The following PLPPR4 variants were observed in gnomAD, a reference collection of about 807,000 sequenced individuals.
PLPPR4 encodes the protein phospholipid phosphatase-related protein type 4.
Under a neutral mutation model 56.6 loss-of-function variants are expected in PLPPR4, and 24 were observed. The observed-to-expected ratio is 0.42, with a 90% CI of 0.31 to 0.60. The LOEUF is 0.60. PLPPR4 is among the 20% of genes least tolerant of loss of function. The pLI is 0.13. For missense variants in PLPPR4, 654 were observed against 885.8 expected, an observed-to-expected ratio of 0.74 and a Z score of 3.32; for synonymous variants, 326 against 328.1, an observed-to-expected ratio of 0.99 and a Z score of 0.07.
chr1:99,268,571 G>T (rs935835248), intron 1 of PLPPR4, among the ~76,000 whole-genome samples: 5 of 152,128 alleles, frequency 3.3e-5, no homozygotes, highest in Admixed American at 2.6e-4. Flanking sequence ...TTACATTTTT[G>T]GTTTATGCTG....
chr1:99,297,604 A>G (rs111285533), intron 3 of PLPPR4, among the ~76,000 whole-genome samples: 5 of 152,258 alleles, frequency 3.3e-5, no homozygotes, highest in African/African-American at 1.2e-4. Flanking sequence ...TACCTGTAAC[A>G]TGTAAGCTCA....
intron 1 of PLPPR4, among the ~76,000 whole-genome samples, chr1:99,273,718 A>T (rs1207948746): frequency 6.6e-6 from 1 of 152,124 alleles, no homozygotes; most frequent in African/African-American, 2.4e-5. Context: ...TAGAAACAAA[A>T]TGGAATCATC....
chr1:99,291,739 C>T (rs1055374032), intron 2 of PLPPR4, among the ~76,000 whole-genome samples: 2 of 152,032 alleles, frequency 1.3e-5, no homozygotes, highest in African/African-American at 4.8e-5. Context: ...CACATAGGCA[C>T]ATAGAGGGGA....
At chr1:99,269,338 AG>A (rs1658992745) in intron 1 of PLPPR4, among the ~76,000 whole-genome samples, 1 of 152,222 alleles carries the variant, frequency 6.6e-6, no homozygotes, top group Non-Finnish European at 1.5e-5. Flanking sequence ...ATGGGCATTT[AG>A]GTTGGTTCCA....
chr1:99,286,941 G>A (rs1362056995), intron 1 of PLPPR4, among the ~76,000 whole-genome samples: 2 of 152,222 alleles, frequency 1.3e-5, no homozygotes, highest in African/African-American at 4.8e-5. Flanking sequence ...AAAATAAAAG[G>A]GATACATGTG....
At position 99,305,878 on chromosome 1, in the gene PLPPR4, C is replaced by T. The variant is rs995910878; in HGVS notation, c.1016C>T (p.Thr339Ile). ...AACCACAGAGATGCTAGCTCTCTGA[C>T]AAATCTCAAAAGAGCAAATGCTGAT... ...NRNHRDASSL[T>I]NLKRANADVE... Residue 339 changes from threonine (T) to isoleucine (I), a missense_variant, in exon 7 of 7, where the codon ACA (threonine) becomes ATA (isoleucine). Thr to Ile is a moderately conservative substitution (Grantham distance 89). Transcript: ENST00000370185. 1.9e-6 allele frequency: 3 copies of T among 1,613,938 alleles called. No individual in the cohort carries two copies. The highest frequency in any genetic ancestry group is 1.3e-5 in the African/African-American group (1 of 74,878).
At chr1:99,295,957 A>G (rs1360346746) in intron 2 of PLPPR4, among the ~76,000 whole-genome samples, 1 of 152,194 alleles carries the variant, frequency 6.6e-6, no homozygotes, top group Non-Finnish European at 1.5e-5. Context: ...AGGGTACAGT[A>G]AGAGGTTTCA....
intron 1 of PLPPR4, among the ~76,000 whole-genome samples, chr1:99,266,038 G>A (rs1294464167): frequency 1.3e-5 from 2 of 152,136 alleles, no homozygotes; most frequent in Admixed American, 6.6e-5. Flanking sequence ...TTTCACAAGA[G>A]ATTTTTGGGA....
intron 2 of PLPPR4, among the ~76,000 whole-genome samples, chr1:99,290,854 A>G (rs1055058283): frequency 1.3e-5 from 2 of 152,298 alleles, no homozygotes; most frequent in Admixed American, 6.5e-5. Context: ...AAGAAAACTT[A>G]GGCAGTACCA....
chr1:99,304,701 G>T lies in PLPPR4; in HGVS notation c.823-984G>T, dbSNP rs534386369. Among the ~76,000 whole-genome samples the T allele has an allele frequency of 2.4e-4, 36 of 152,224 alleles. No individual in the cohort carries two copies. In the South Asian group the frequency reaches 7.3e-3, roughly 31 times the overall value. On this transcript the variant is annotated intron_variant, in intron 6 of 6. Coordinates refer to ENST00000370185, the MANE Select transcript of PLPPR4 (RefSeq NM_014839.5). ...ATTTTCAGTTCTAAGCCAATGCTTT[G>T]TTCATTGTTAAGCATTCTATAAAAT...
At chr1:99,293,659 GC>G (rs1485229577) in intron 2 of PLPPR4, among the ~76,000 whole-genome samples, 1 of 152,152 alleles carries the variant, frequency 6.6e-6, no homozygotes, top group Non-Finnish European at 1.5e-5. Context: ...AATAGCCTTA[GC>G]TTTAGGAGGC....
chr1:99,263,781 C>T (rs1420019130), upstream of PLPPR4, among the ~76,000 whole-genome samples: 1 of 152,164 alleles, frequency 6.6e-6, no homozygotes, highest in African/African-American at 2.4e-5. Context: ...GAGATTAGAA[C>T]ATACAGTAGC....
intron 5 of PLPPR4, 26 bp downstream of exon 5, chr1:99,300,992 A>G: frequency 1.3e-6 from 2 of 1,598,800 alleles, no homozygotes. Flanking sequence ...TTTTTTGTTA[A>G]GTTGTGTTCT....
In PLPPR4 at chr1:99,309,151, A is replaced by G. The variant is rs58412609; in HGVS notation, c.*2141A>G. 9.9e-3 allele frequency: 1,513 copies of G among 152,732 alleles called. 86 individuals are homozygous for G. The East Asian group carries it at 0.15, about 15-fold the overall frequency. The allele number at this position is 152,732 out of a possible 1,614,324, so 9.5% of individuals were successfully genotyped here. A position where few individuals can be genotyped will look rare whatever the true frequency, so the allele number is the denominator to read the frequency against. ...CATTGTTAAGGACATATAATGATAG[A>G]CACTAGAACTCAGACCTCTGCATGT... On this transcript the variant is annotated 3_prime_UTR_variant, in exon 7 of 7. Transcript: ENST00000370185.
upstream of PLPPR4, chr1:99,264,263 A>G (rs1317644601): frequency 3.4e-6 from 2 of 580,040 alleles, no homozygotes; most frequent in African/African-American, 3.8e-5. Flanking sequence ...CAAGGGCGGT[A>G]GAGAGCTGAG....
chr1:99,267,527 T>A (rs1658932833), intron 1 of PLPPR4, among the ~76,000 whole-genome samples: 1 of 152,236 alleles, frequency 6.6e-6, no homozygotes. Flanking sequence ...TATTCATACA[T>A]AAGAGAAATT....
intron 1 of PLPPR4, among the ~76,000 whole-genome samples, chr1:99,283,623 A>C (rs1035597049): frequency 1.3e-5 from 2 of 152,154 alleles, no homozygotes; most frequent in African/African-American, 4.8e-5. Context: ...CCTAATCCTC[A>C]GGTAATTTCC....
chr1:99,290,122 A>T (rs1307852981), intron 2 of PLPPR4, among the ~76,000 whole-genome samples: 1 of 152,154 alleles, frequency 6.6e-6, no homozygotes, highest in Non-Finnish European at 1.5e-5. Context: ...TTGTGCAAAA[A>T]TCACTAGCAA....
chr1:99,306,195 G>A lies in PLPPR4; in HGVS notation c.1333G>A (p.Asp445Asn), dbSNP rs989269410. The stretch of plus-strand genomic sequence containing the variant: ...GCCATCGAGGGTAGGGGTGAATGGA[G>A]ACCACCATGGTCCTGGCAATCAGTA... ...SEPSRVGVNGDHHGPGNQYLK... is the reference protein window; with the variant it reads ...SEPSRVGVNGNHHGPGNQYLK... Residue 445 changes from aspartate to asparagine, a missense_variant, in exon 7 of 7, where the codon GAC becomes AAC. By Grantham distance (23) the Asp-to-Asn change is conservative (BLOSUM62 1). Around this residue, in one of 2 missense-constraint regions of PLPPR4, gnomAD observed 468 missense variants for 554.3 expected, o/e 0.84. Transcript: ENST00000370185. The surrounding 1 kb of genome is among the most constrained non-coding windows in gnomAD (Gnocchi z 4.0). 2.5e-6 allele frequency: 4 copies of A among 1,613,956 alleles called. No homozygotes were observed. The African/African-American group carries it at 5.3e-5, about 22-fold the overall frequency.
Sources: gnomAD v4.1 joint callset for allele counts (sites outside exome capture counted in the v4.1 genomes callset) on GRCh38, gnomAD v4.1.1 for gene constraint, gnomAD v4.1.1 regional missense constraint, Gnocchi (gnomAD v3.1) non-coding constraint, MANE v1.5 for transcripts, NCBI Gene and HGNC (gene_info 2026-07-23, HGNC 2026-07-21) for gene names.